The following GADL1 variants were observed in gnomAD, a reference collection of about 807,000 sequenced individuals.
GADL1 encodes the protein acidic amino acid decarboxylase GADL1.
GADL1 carries 71 observed loss-of-function variants against 69.5 expected under a neutral mutation model. The observed-to-expected ratio is 1.02, with a 90% CI of 0.84 to 1.25. The LOEUF (loss-of-function observed/expected upper bound fraction) is 1.25, where lower values mean the gene tolerates loss of function less well. GADL1 is among the 50% of genes most tolerant of loss of function. The probability of loss-of-function intolerance (pLI) is 0.00; values close to 1 mark genes in which losing one functional copy is unlikely to be tolerated. For missense variants in GADL1, 737 were observed against 631.8 expected, an observed-to-expected ratio of 1.17 and a Z score of -1.79; for synonymous variants, 254 against 214.4, an observed-to-expected ratio of 1.18 and a Z score of -1.62.
chr3:30,773,872 C>A (rs1299567116), intron 14 of GADL1, among the ~76,000 whole-genome samples: 1 of 151,838 alleles, frequency 6.6e-6, no homozygotes, highest in Non-Finnish European at 1.5e-5. Context: ...CAAAATTTAC[C>A]CATGAATAGC....
chr3:30,816,375 C>T (rs1224567289), intron 11 of GADL1, among the ~76,000 whole-genome samples: 1 of 151,894 alleles, frequency 6.6e-6, no homozygotes, highest in African/African-American at 2.4e-5. Flanking sequence ...TAAATGCATT[C>T]TTAATGTGAT....
chr3:30,840,071 A>AGT (rs35291985), intron 8 of GADL1, among the ~76,000 whole-genome samples: 23,741 of 152,040 alleles, frequency 0.16, 2,207 homozygotes, highest in East Asian at 0.39. Flanking sequence ...CCTGAGAAAT[A>AGT]GACAAGAATA....
intron 10 of GADL1, 137 bp downstream of exon 10, chr3:30,834,080 A>G: frequency 5.3e-6 from 5 of 950,132 alleles, no homozygotes; most frequent in Middle Eastern, 2.2e-4. Flanking sequence ...GGTTTAAGGA[A>G]TTTGGAGGGA....
At chr3:30,770,393 TAA>T (rs1424051623) in intron 14 of GADL1, among the ~76,000 whole-genome samples, 3 of 152,344 alleles carry the variant, frequency 2.0e-5, no homozygotes, top group Non-Finnish European at 4.4e-5. Flanking sequence ...ACTTAAATGA[TAA>T]ACTTGGCTCA....
At chr3:30,814,076 T>A (rs1697411821) in intron 11 of GADL1, among the ~76,000 whole-genome samples, 1 of 151,970 alleles carries the variant, frequency 6.6e-6, no homozygotes, top group Non-Finnish European at 1.5e-5. Context: ...TGATTAACAA[T>A]GCACTGCACA....
At chr3:30,768,040 C>A (rs116686311) in intron 14 of GADL1, among the ~76,000 whole-genome samples, 1 of 148,990 alleles carries the variant, frequency 6.7e-6, no homozygotes, top group African/African-American at 2.5e-5. Flanking sequence ...CCCATACCCC[C>A]CCCCCCCTTA....
intron 14 of GADL1, among the ~76,000 whole-genome samples, chr3:30,737,759 T>C (rs1199887520): frequency 1.3e-5 from 2 of 152,166 alleles, no homozygotes; most frequent in Non-Finnish European, 2.9e-5. Context: ...TTTTCAAATA[T>C]GAATTTTACC....
chr3:30,780,183 G>T (rs1157131258), intron 13 of GADL1, among the ~76,000 whole-genome samples: 6 of 152,092 alleles, frequency 3.9e-5, no homozygotes, highest in African/African-American at 7.2e-5. Context: ...TGACTTCTCT[G>T]GCACTCCTTC....
intron 14 of GADL1, among the ~76,000 whole-genome samples, chr3:30,748,906 C>T (rs1465921575): frequency 3.9e-5 from 6 of 152,178 alleles, no homozygotes; most frequent in Non-Finnish European, 8.8e-5. Context: ...GGATGTTGAT[C>T]CATGTGCTGT....
intron 1 of GADL1, among the ~76,000 whole-genome samples, chr3:30,862,821 C>T (rs1365050185): frequency 6.6e-6 from 1 of 151,878 alleles, no homozygotes; most frequent in East Asian, 1.9e-4. Flanking sequence ...CCTTTAGGTG[C>T]GTGTAGCTGT....
intron 2 of GADL1, among the ~76,000 whole-genome samples, chr3:30,857,810 T>G (rs1698253716): frequency 1.3e-5 from 2 of 152,010 alleles, no homozygotes; most frequent in South Asian, 4.1e-4. Context: ...ACTACTTTCC[T>G]TCTGGCTAAC....
intron 9 of GADL1, among the ~76,000 whole-genome samples, chr3:30,834,656 C>T (rs2125524077): frequency 6.6e-6 from 1 of 152,104 alleles, no homozygotes; most frequent in East Asian, 1.9e-4. Context: ...GAGACATGGG[C>T]TAAGGACTAG....
intron 13 of GADL1, among the ~76,000 whole-genome samples, chr3:30,783,536 CAAA>C (rs1696719838): frequency 6.6e-6 from 1 of 152,100 alleles, no homozygotes; most frequent in African/African-American, 2.4e-5. Flanking sequence ...CATACTCTCT[CAAA>C]TACATGTACA....
In GADL1 at chr3:30,869,482, T is replaced by C. The variant is rs544313424; in HGVS notation, c.38-7717A>G. On this transcript the variant is annotated intron_variant, in intron 1 of 14. Transcript: ENST00000282538. ...GCGACAAATGTGGCAACTTAGTCCC[T>C]GGATCTAGCCCTGTGATTTGATAGA... 7.9e-5 allele frequency among the ~76,000 whole-genome samples: 12 copies of C among 151,998 alleles called. No individual in the cohort carries two copies. The South Asian group carries it at 2.3e-3, about 29-fold the overall frequency.
chr3:30,894,507 C>A, intron 1 of GADL1, 71 bp downstream of exon 1: 2 of 1,294,704 alleles, frequency 1.5e-6, no homozygotes, highest in South Asian at 2.7e-5. Context: ...GTCCCCAGGT[C>A]AAAAATAAGG....
At chr3:30,814,000 T>A (rs186450257) in intron 11 of GADL1, among the ~76,000 whole-genome samples, 2 of 152,354 alleles carry the variant, frequency 1.3e-5, no homozygotes, top group African/African-American at 4.8e-5. Context: ...CATTAGCATG[T>A]GGGTTACTCC....
In GADL1 at chr3:30,726,389, T is replaced by C; in HGVS notation, c.*1853A>G. ...ACAACACTAAGTATAGTAATGTTCC[T>C]TTTTGTTTCATGAAACCCAAATTGT... On this transcript the variant is annotated 3_prime_UTR_variant, in exon 15 of 15. Transcript: ENST00000282538. 6.6e-6 allele frequency: 1 copy of C among 152,192 alleles called. No individual in the cohort carries two copies. 9.4% of individuals were successfully genotyped at this position (152,192 alleles called of 1,614,324 possible). A position where few individuals can be genotyped will look rare whatever the true frequency, so the allele number is the denominator to read the frequency against.
At position 30,727,136 on chromosome 3, in the gene GADL1, CAT is replaced by C. The variant is rs527833377; in HGVS notation, c.*1104_*1105del. 291 of 148,894 alleles carry C rather than the reference CAT, an allele frequency of 2.0e-3. No homozygotes were observed. Among genetic ancestry groups the C allele is most frequent in the African/African-American group, 7.0e-3 (282 of 40,492 alleles). 9.2% of individuals were successfully genotyped at this position (148,894 alleles called of 1,614,324 possible). On this transcript the variant is annotated 3_prime_UTR_variant, in exon 15 of 15. Transcript: ENST00000282538. ...ATATGTATGTGTGTGTATATATATA[CAT>C]ATATATGTATATATGTATATCACAG...
At position 30,850,087 on chromosome 3, in the gene GADL1, G is replaced by A; in HGVS notation, c.560C>T (p.Ala187Val). The A allele has an allele frequency of 6.2e-7, 1 of 1,606,096 alleles. No individual in the cohort carries two copies. Among genetic ancestry groups the A allele is most frequent in the Non-Finnish European group, 8.5e-7 (1 of 1,173,514 alleles). ...ATATTTGTATCTAGCTAAATTCATT[G>A]CATACATATTGGACACTGAGCCACC... Reference protein sequence around the residue: ...NPGGSVSNMYAMNLARYKYCP... With the variant: ...NPGGSVSNMYVMNLARYKYCP... The change falls in exon 6 of 15, where the codon GCA (alanine) becomes GTA (valine). Residue 187 changes from alanine (A) to valine (V), a missense_variant. Ala to Val is a moderately conservative substitution (Grantham distance 64). Transcript: ENST00000282538.
Sources: allele counts gnomAD v4.1 joint callset (sites outside exome capture counted in the v4.1 genomes callset), GRCh38; gene constraint gnomAD v4.1.1; transcripts MANE v1.5; gene names NCBI Gene and HGNC (gene_info 2026-07-23, HGNC 2026-07-21).